GLCCI1: variants seen among roughly 807,000 people sequenced by gnomAD.
GLCCI1 encodes glucocorticoid induced 1, also known as glucocorticoid-induced transcript 1 protein.
A neutral mutation model predicts 52.2 loss-of-function variants in GLCCI1; 24 were observed. The observed-to-expected ratio is 0.46, with a 90% confidence interval of 0.33 to 0.65. GLCCI1 has a LOEUF of 0.65. GLCCI1 is among the 30% of genes least tolerant of loss of function. The probability of loss-of-function intolerance (pLI) is 0.02; values close to 1 mark genes in which losing one functional copy is unlikely to be tolerated. For synonymous variants in GLCCI1, 310 were observed against 276.5 expected (o/e 1.12, Z -1.20); for missense variants, 704 against 701.5 (o/e 1.00, Z -0.04).
intron 5 of GLCCI1, chr7:8,070,658 T>G: frequency 9.8e-6 from 3 of 307,424 alleles, no homozygotes; most frequent in South Asian, 5.2e-5. Context: ...CCTTGAAGAG[T>G]TTTGTGGGAT....
At chr7:7,985,370 C>T (rs1054547957) in intron 1 of GLCCI1, among the ~76,000 whole-genome samples, 1 of 152,100 alleles carries the variant, frequency 6.6e-6, no homozygotes, top group African/African-American at 2.4e-5. Flanking sequence ...TTTCTCCATA[C>T]AGAGTAGAGG....
intron 2 of GLCCI1, among the ~76,000 whole-genome samples, chr7:8,004,819 A>G (rs1562424253): frequency 1.3e-5 from 2 of 152,240 alleles, no homozygotes; most frequent in Non-Finnish European, 2.9e-5. Flanking sequence ...ATGTGAGGGC[A>G]TTCAAAGGAA....
At chr7:7,995,991 G>T (rs1274607183) in intron 1 of GLCCI1, among the ~76,000 whole-genome samples, 1 of 152,018 alleles carries the variant, frequency 6.6e-6, no homozygotes, top group Non-Finnish European at 1.5e-5. Flanking sequence ...TTGTGCTCTT[G>T]TTAAAAACAG....
intron 3 of GLCCI1, among the ~76,000 whole-genome samples, chr7:8,031,708 TAAA>T (rs1781754493): frequency 6.6e-6 from 1 of 151,468 alleles, no homozygotes; most frequent in Non-Finnish European, 1.5e-5. Context: ...AAAATTTTTT[TAAA>T]TAAATATTTT....
At chr7:7,974,813 A>G (rs1012961044) in intron 1 of GLCCI1, among the ~76,000 whole-genome samples, 2 of 152,170 alleles carry the variant, frequency 1.3e-5, no homozygotes, top group African/African-American at 2.4e-5. Flanking sequence ...TAACATTTCC[A>G]GACACCACTA....
chr7:8,043,931 T>A (rs895086243), intron 3 of GLCCI1, among the ~76,000 whole-genome samples: 1 of 144,032 alleles, frequency 6.9e-6, no homozygotes, highest in Non-Finnish European at 1.5e-5. Context: ...TCAAAACTAT[T>A]GTTGAAGCAC....
chr7:8,072,264 C>T (rs556069919), intron 6 of GLCCI1, among the ~76,000 whole-genome samples: 13 of 152,170 alleles, frequency 8.5e-5, no homozygotes, highest in Non-Finnish European at 1.6e-4. Context: ...ACTTCTTTTA[C>T]TTATCATTAT....
At chr7:8,083,144 G>C (rs184184689) in intron 6 of GLCCI1, among the ~76,000 whole-genome samples, 54 of 152,150 alleles carry the variant, frequency 3.5e-4, no homozygotes, top group African/African-American at 9.4e-4. Flanking sequence ...AATTTCTGTG[G>C]ATACATAGGT....
At chr7:8,055,319 T>C (rs1782361084) in intron 3 of GLCCI1, 114 bp from the exon 4 acceptor site, 2 of 535,226 alleles carry the variant, frequency 3.7e-6, no homozygotes, top group East Asian at 3.1e-5. Flanking sequence ...AAATATTGTC[T>C]CTTCTTAGAA....
chr7:7,984,343 C>T (rs1293863363), intron 1 of GLCCI1, among the ~76,000 whole-genome samples: 1 of 152,142 alleles, frequency 6.6e-6, no homozygotes, highest in Non-Finnish European at 1.5e-5. Context: ...TACAGAGCCA[C>T]CAGTGCTGAC....
chr7:8,039,685 G>A (rs1019077172), intron 3 of GLCCI1, among the ~76,000 whole-genome samples: 13 of 152,142 alleles, frequency 8.5e-5, no homozygotes, highest in Non-Finnish European at 2.9e-5. Flanking sequence ...ACAATATTTA[G>A]GTGATGGTTC....
intron 6 of GLCCI1, among the ~76,000 whole-genome samples, chr7:8,072,733 G>A (rs1584020796): frequency 6.6e-6 from 1 of 152,132 alleles, no homozygotes; most frequent in South Asian, 2.1e-4. Flanking sequence ...GTTCAGGTTG[G>A]CCACTTTTGC....
chr7:7,993,782 C>T (rs1780890237), intron 1 of GLCCI1, among the ~76,000 whole-genome samples: 1 of 111,604 alleles, frequency 9.0e-6, no homozygotes, highest in Non-Finnish European at 1.8e-5. Flanking sequence ...ATGGGGGTTA[C>T]ATCCTGAAAA....
At chr7:8,039,448 TATTA>T (rs1253378513) in intron 3 of GLCCI1, among the ~76,000 whole-genome samples, 2 of 152,212 alleles carry the variant, frequency 1.3e-5, no homozygotes, top group Non-Finnish European at 2.9e-5. Flanking sequence ...CACGGAATAC[TATTA>T]ATTCATAAAG....
At chr7:8,009,729 A>C (rs1357264432) in intron 2 of GLCCI1, among the ~76,000 whole-genome samples, 1 of 152,198 alleles carries the variant, frequency 6.6e-6, no homozygotes, top group African/African-American at 2.4e-5. Flanking sequence ...GTTTTAAGTC[A>C]TTTGGATTTG....
chr7:8,026,152 A>G (rs1781614891), intron 3 of GLCCI1, among the ~76,000 whole-genome samples: 1 of 152,228 alleles, frequency 6.6e-6, no homozygotes, highest in African/African-American at 2.4e-5. Context: ...GACATAAATT[A>G]TAGTTTCTAT....
At chr7:7,987,461 G>A (rs556613783) in intron 1 of GLCCI1, among the ~76,000 whole-genome samples, 80 of 152,244 alleles carry the variant, frequency 5.3e-4, no homozygotes, top group Non-Finnish European at 9.3e-4. Context: ...AGTTTCTTGA[G>A]GGCAGGAATT....
chr7:8,080,142 A>G (rs1386212748), intron 6 of GLCCI1, among the ~76,000 whole-genome samples: 1 of 151,660 alleles, frequency 6.6e-6, no homozygotes, highest in East Asian at 1.9e-4. Flanking sequence ...GAAATGATAC[A>G]CAATTGTGTG....
At chr7:7,997,997 G>C (rs1160528415) in intron 1 of GLCCI1, among the ~76,000 whole-genome samples, 1 of 151,226 alleles carries the variant, frequency 6.6e-6, no homozygotes, top group African/African-American at 2.4e-5. Flanking sequence ...GAATATTATA[G>C]CTAGTTTATA....
Sources: gnomAD v4.1 joint callset for allele counts (sites outside exome capture counted in the v4.1 genomes callset) on GRCh38, gnomAD v4.1.1 for gene constraint, MANE v1.5 for transcripts, NCBI Gene and HGNC (gene_info 2026-07-23, HGNC 2026-07-21) for gene names.